GALNT3: variants seen among roughly 807,000 people sequenced by gnomAD.
GALNT3 encodes GalNAc transferase 3.
A neutral mutation model predicts 69.8 loss-of-function variants in GALNT3; 51 were observed. That is an observed-to-expected ratio of 0.73 (90% CI 0.58 to 0.92). The LOEUF is 0.92. Among genes scored for constraint, GALNT3 ranks in the 40% least tolerant of loss-of-function variants. The pLI, the probability that GALNT3 is intolerant of heterozygous loss-of-function variation, is 0.00. For synonymous variants in GALNT3, 265 were observed against 248.5 expected (o/e 1.07, Z -0.63); for missense variants, 711 against 760.0 (o/e 0.94, Z 0.76).
Position 165,748,858 on chromosome 2 carries a change from T to C in GALNT3, c.1825A>G (p.Asn609Asp). ...NPFLKMCLSANGEHPSLVSCN... is the reference protein window; with the variant it reads ...NPFLKMCLSADGEHPSLVSCN... ...GACACTAAACTTGGATGCTCTCCAT[T>C]TGCTGAAAGGCACATTTTTAAGAAT... Residue 609 changes from asparagine (N) to aspartate (D), a missense_variant, in exon 11 of 11, where the codon AAT becomes GAT. Coordinates refer to ENST00000392701, the MANE Select transcript of GALNT3 (RefSeq NM_004482.4). 6.2e-7 allele frequency: 1 copy of C among 1,611,668 alleles called. No homozygotes were observed.
At chr2:165,752,584 G>T (rs1301052387) in intron 9 of GALNT3, among the ~76,000 whole-genome samples, 1 of 151,976 alleles carries the variant, frequency 6.6e-6, no homozygotes, top group Admixed American at 6.6e-5. Flanking sequence ...ACATATTTTT[G>T]ATACAGAGCT....
At chr2:165,783,700 T>C (rs866884690) in intron 1 of GALNT3, among the ~76,000 whole-genome samples, 2 of 152,194 alleles carry the variant, frequency 1.3e-5, no homozygotes, top group East Asian at 1.9e-4. Context: ...AACTTTGTTT[T>C]CAAAAACAGG....
chr2:165,762,975 T>A (rs1334740208), intron 3 of GALNT3, among the ~76,000 whole-genome samples: 111 of 151,666 alleles, frequency 7.3e-4, no homozygotes, highest in African/African-American at 2.6e-3. Flanking sequence ...TTTCTTTTTT[T>A]TTTTTTTTAG....
chr2:165,760,023 C>A (rs1169539986), intron 4 of GALNT3, among the ~76,000 whole-genome samples: 1 of 152,124 alleles, frequency 6.6e-6, no homozygotes, highest in Non-Finnish European at 1.5e-5. Context: ...AGATTCACTA[C>A]AGTTAGAAAA....
rs144694274 is a variant in GALNT3 at position 165,784,680 on chromosome 2, G to A, written c.-109+9335C>T. 7.7e-4 allele frequency among the ~76,000 whole-genome samples: 117 copies of A among 152,168 alleles called. 1 individual carries two copies. The highest frequency in any genetic ancestry group is 2.7e-3 in the African/African-American group (110 of 41,498). ...TCAAGACCCCATCCTGAAAAAGAAA[G>A]GTGCTAGCAGATGGAATGCTCTCTC... On this transcript the variant is annotated intron_variant, in intron 1 of 10. Transcript: ENST00000392701.
At chr2:165,762,279 T>TAAG (rs1458910225) in intron 3 of GALNT3, among the ~76,000 whole-genome samples, 165 of 152,322 alleles carry the variant, frequency 1.1e-3, no homozygotes, top group Admixed American at 3.5e-3. Flanking sequence ...TAATGCATAC[T>TAAG]TATTCTGTAC....
chr2:165,765,033 C>T lies in GALNT3; in HGVS notation c.539G>A (p.Arg180His), dbSNP rs772410242. 1.4e-5 allele frequency: 22 copies of T among 1,613,928 alleles called. No homozygotes were observed. Among genetic ancestry groups the T allele is most frequent in the East Asian group, 4.5e-5 (2 of 44,892 alleles). Residue 180 changes from arginine to histidine, a missense_variant, in exon 3 of 11, where the codon CGC becomes CAC. Physicochemically the swap from Arg to His is conservative, Grantham distance 29. Transcript: ENST00000392701. The stretch of plus-strand genomic sequence containing the variant: ...ACTGGTGGTGGGCAGGGGAGGGCAG[C>T]GCTTAAATTTTTGTTCAATACATCT... ...PPECIEQKFK[R>H]CPPLPTTSVI...
chr2:165,758,847 C>G lies in GALNT3; in HGVS notation c.1091G>C (p.Gly364Ala). 1 of 1,607,162 alleles carries G rather than the reference C, an allele frequency of 6.2e-7. No individual in the cohort carries two copies. Among genetic ancestry groups the G allele is most frequent in the Non-Finnish European group, 8.5e-7 (1 of 1,173,934 alleles). The change falls in exon 6 of 11, where the codon GGA becomes GCA. Residue 364 changes from glycine (G) to alanine (A), a missense_variant. By Grantham distance (60) the Gly-to-Ala change is moderately conservative. Transcript: ENST00000392701. Reference protein sequence around the residue: ...TYPIKTPTFAGGLFSISKEYF... With the variant: ...TYPIKTPTFAAGLFSISKEYF... Reference sequence around the variant, plus strand: ...TTCTTTTGATATGGAAAAAAGTCCTCCTGCAAAAGTGGGTGTTCTGAAAAA... The same window carrying G: ...TTCTTTTGATATGGAAAAAAGTCCTGCTGCAAAAGTGGGTGTTCTGAAAAA...
Position 165,748,829 on chromosome 2 carries a change from G to A in GALNT3, c.1854C>T (p.Cys618=). Residue 618 remains cysteine (C), a synonymous_variant, in exon 11 of 11, where the codon TGC becomes TGT. Coordinates refer to ENST00000392701, the MANE Select transcript of GALNT3 (RefSeq NM_004482.4). Reference sequence around the variant, plus strand: ...ATTTTTGGAGTGGATCTGATGGGTTGCATGACACTAAACTTGGATGCTCTC... The same window carrying A: ...ATTTTTGGAGTGGATCTGATGGGTTACATGACACTAAACTTGGATGCTCTC... ...ANGEHPSLVS[C]NPSDPLQKWI... The A allele has an allele frequency of 8.1e-6, 13 of 1,611,576 alleles. No individual in the cohort carries two copies. Among genetic ancestry groups the A allele is most frequent in the Non-Finnish European group, 1.1e-5 (13 of 1,178,314 alleles).
intron 3 of GALNT3, 58 bp from the exon 4 acceptor site, chr2:165,762,112 A>C: frequency 1.7e-6 from 2 of 1,162,596 alleles, no homozygotes; most frequent in Non-Finnish European, 2.5e-6. Flanking sequence ...TATATAGCTT[A>C]TGAAAGCTAA....
At chr2:165,791,838 G>C (rs2105235979) in intron 1 of GALNT3, among the ~76,000 whole-genome samples, 1 of 152,286 alleles carries the variant, frequency 6.6e-6, no homozygotes. Context: ...AATGAGAGGA[G>C]CATGATGCCT....
intron 1 of GALNT3, among the ~76,000 whole-genome samples, chr2:165,773,871 C>A (rs113921212): frequency 0.012 from 1,787 of 151,828 alleles, 35 homozygotes; most frequent in African/African-American, 0.041. Context: ...ACAATCTTAT[C>A]TCACTCTTGA....
At chr2:165,751,953 C>CTG (rs1440624516) in intron 9 of GALNT3, among the ~76,000 whole-genome samples, 1 of 152,094 alleles carries the variant, frequency 6.6e-6, no homozygotes, top group African/African-American at 2.4e-5. Context: ...AAATCAATAG[C>CTG]TGTGTTAGGG....
chr2:165,781,320 G>A (rs886698827), intron 1 of GALNT3, among the ~76,000 whole-genome samples: 1 of 152,166 alleles, frequency 6.6e-6, no homozygotes, highest in Non-Finnish European at 1.5e-5. Context: ...TGACTATTGA[G>A]GCTGGGTGCA....
chr2:165,764,834 T>A lies in GALNT3; in HGVS notation c.688+50A>T, dbSNP rs202086465. 3.0e-5 allele frequency: 48 copies of A among 1,583,598 alleles called. No individual in the cohort carries two copies. In the African/African-American group the frequency reaches 3.9e-4, roughly 13 times the overall value. ...ACCACATAACCAAGTAGACTGTAGA[T>A]ACCACAATATGGATTTGGGAAACAA... On this transcript the variant is annotated intron_variant, in intron 3 of 10. Transcript: ENST00000392701.
chr2:165,762,300 A>T (rs1167826144), intron 3 of GALNT3, among the ~76,000 whole-genome samples: 1 of 151,876 alleles, frequency 6.6e-6, no homozygotes, highest in East Asian at 1.9e-4. Context: ...ACTTCCTATC[A>T]ATAAATATAA....
chr2:165,756,609 T>G (rs1688447210), intron 7 of GALNT3, among the ~76,000 whole-genome samples: 1 of 151,752 alleles, frequency 6.6e-6, no homozygotes, highest in Admixed American at 6.6e-5. Flanking sequence ...CAAAGTAACA[T>G]CTCCAGTAAG....
intron 1 of GALNT3, among the ~76,000 whole-genome samples, chr2:165,775,083 G>C (rs555921028): frequency 1.3e-5 from 2 of 151,962 alleles, no homozygotes; most frequent in African/African-American, 4.8e-5. Context: ...CTGACAGACA[G>C]GGAGAGTCAA....
At position 165,757,162 on chromosome 2, in the gene GALNT3, G is replaced by A. The variant is rs1454406786; in HGVS notation, c.1277C>T (p.Pro426Leu). The A allele has an allele frequency of 3.1e-6, 5 of 1,614,042 alleles. No individual in the cohort carries two copies. The highest frequency in any genetic ancestry group is 2.2e-5 in the South Asian group (2 of 91,080). Residue 426 changes from proline to leucine, a missense_variant, in exon 7 of 11, where the codon CCA becomes CTA. Physicochemically the swap from Pro to Leu is moderately conservative, Grantham distance 98. Coordinates refer to ENST00000392701, the MANE Select transcript of GALNT3 (RefSeq NM_004482.4). ...TCTAGCAATCACCTGAGTGCCTTTT[G>A]GAAAGCTATGAGGGCTTTTGCTGCG... is the stretch of plus-strand genomic sequence containing the variant. Reference protein sequence around the residue: ...VFRSKSPHSFPKGTQVIARNQ... With the variant: ...VFRSKSPHSFLKGTQVIARNQ...
Sources: allele counts gnomAD v4.1 joint callset (sites outside exome capture counted in the v4.1 genomes callset), GRCh38; gene constraint gnomAD v4.1.1; transcripts MANE v1.5; gene names NCBI Gene and HGNC (gene_info 2026-07-23, HGNC 2026-07-21).